The following APOOL variants were observed in gnomAD, a reference collection of about 807,000 sequenced individuals.
The protein encoded by APOOL is apolipoprotein O like.
Under a neutral mutation model 23.1 loss-of-function variants are expected in APOOL, and 12 were observed. The ratio of observed to expected loss-of-function variants is 0.52; its 90% CI spans 0.33 to 0.84. The LOEUF is 0.84. APOOL is among the 40% of genes least tolerant of loss of function. APOOL has a pLI of 0.02. For synonymous variants in APOOL, 77 were observed against 69.9 expected, an observed-to-expected ratio of 1.10 and a Z score of -0.51; for missense variants, 212 against 199.6, an observed-to-expected ratio of 1.06 and a Z score of -0.37.
intron 8 of APOOL, among the ~76,000 whole-genome samples, chrX:85,085,171 G>A (rs1021359199): frequency 1.8e-5 from 2 of 111,751 alleles, no homozygotes; most frequent in East Asian, 2.8e-4. Flanking sequence ...AAGTAGTGGC[G>A]AGTGTGAATA....
At chrX:85,012,690 C>G (rs1921331051) in intron 1 of APOOL, among the ~76,000 whole-genome samples, 1 of 111,914 alleles carries the variant, frequency 8.9e-6, no homozygotes, top group African/African-American at 3.2e-5. Context: ...CCCTGCCTCC[C>G]TGGTATGAAA....
intron 5 of APOOL, among the ~76,000 whole-genome samples, chrX:85,059,711 T>G (rs1156422409): frequency 9.0e-6 from 1 of 110,718 alleles, no homozygotes; most frequent in Non-Finnish European, 1.9e-5. Context: ...CTTTGCCCAC[T>G]TTTTGATGGG....
chrX:85,005,102 T>G (rs1026445479), intron 1 of APOOL, among the ~76,000 whole-genome samples: 5 of 111,263 alleles, frequency 4.5e-5, no homozygotes, highest in Non-Finnish European at 7.5e-5. Context: ...CAAAAATGCC[T>G]TGTTTAATAG....
intron 5 of APOOL, among the ~76,000 whole-genome samples, chrX:85,057,163 A>G (rs949839244): frequency 2.7e-5 from 3 of 111,432 alleles, no homozygotes; most frequent in Non-Finnish European, 3.8e-5. Context: ...GAATAGAGCT[A>G]CTATGAAAAT....
chrX:85,031,405 A>T (rs1882609853), intron 1 of APOOL, among the ~76,000 whole-genome samples: 1 of 111,544 alleles, frequency 9.0e-6, no homozygotes, highest in South Asian at 3.8e-4. Flanking sequence ...GACTACTCAC[A>T]GGAGTCTATA....
intron 1 of APOOL, among the ~76,000 whole-genome samples, chrX:85,024,620 G>C (rs1232013921): frequency 8.9e-6 from 1 of 112,445 alleles, no homozygotes; most frequent in Non-Finnish European, 1.9e-5. Flanking sequence ...TACCACTTTT[G>C]CACCATAAAG....
intron 5 of APOOL, among the ~76,000 whole-genome samples, chrX:85,060,675 CTGTT>C (rs1045515358): frequency 2.1e-3 from 230 of 111,077 alleles, no homozygotes; most frequent in African/African-American, 7.3e-3. Context: ...ATTTGGCTCT[CTGTT>C]TGTCTGTTAT....
intron 2 of APOOL, among the ~76,000 whole-genome samples, chrX:85,051,129 G>A (rs750854636): frequency 3.8e-4 from 42 of 111,483 alleles, no homozygotes; most frequent in Non-Finnish European, 3.6e-4. Flanking sequence ...TGCAAAGACA[G>A]TAGTTTCTCT....
At chrX:85,058,069 T>A (rs186765349) in intron 5 of APOOL, among the ~76,000 whole-genome samples, 28 of 111,359 alleles carry the variant, frequency 2.5e-4, no homozygotes, top group African/African-American at 4.9e-4. Flanking sequence ...TACCTTTTTT[T>A]AAAAAATTAT....
In APOOL at chrX:85,008,575, A is replaced by G. The variant is rs867345374; in HGVS notation, c.15+4648A>G. ...TGTGTGTGTGTGTGTGTGTGTGTGT[A>G]TACCACAGTTTCTTCATCCGTTGAT... On this transcript the variant is annotated intron_variant, in intron 1 of 8. Transcript: ENST00000373173. Among the ~76,000 whole-genome samples the G allele has an allele frequency of 4.5e-3, 141 of 31,414 alleles. 1 individual carries two copies. In the South Asian group the frequency reaches 0.059, roughly 13 times the overall value. The allele number at this position is 31,414 out of a possible 115,157, so 27.3% of individuals were successfully genotyped here.
intron 8 of APOOL, among the ~76,000 whole-genome samples, chrX:85,081,067 T>C (rs980515729): frequency 8.9e-6 from 1 of 111,938 alleles, no homozygotes; most frequent in Admixed American, 9.5e-5. Context: ...CTGTGTCTTT[T>C]AATTGGGGCA....
intron 1 of APOOL, among the ~76,000 whole-genome samples, chrX:85,004,344 G>T (rs1023967757): frequency 8.9e-6 from 1 of 112,173 alleles, no homozygotes; most frequent in South Asian, 3.7e-4. Context: ...GAAACATTTG[G>T]GGTGAAACTG....
Position 85,067,178 on chromosome X carries a change from C to A in APOOL, c.446C>A (p.Ala149Glu). Reference protein sequence around the residue: ...TYPLGLATLGATVCYPVQSVI... With the variant: ...TYPLGLATLGETVCYPVQSVI... Reference sequence around the variant, plus strand: ...CCTCTGGGACTGGCCACTTTAGGAGCAACTGTTTGCTACCCAGTTCAGTCC... The same window carrying A: ...CCTCTGGGACTGGCCACTTTAGGAGAAACTGTTTGCTACCCAGTTCAGTCC... Residue 149 changes from alanine (A) to glutamate (E), a missense_variant, in exon 6 of 9, where the codon GCA becomes GAA. Coordinates refer to ENST00000373173, the MANE Select transcript of APOOL (RefSeq NM_198450.6). 1 of 1,159,881 alleles carries A rather than the reference C, an allele frequency of 8.6e-7. No homozygotes were observed.
chrX:85,029,955 C>T (rs188830758), intron 1 of APOOL, among the ~76,000 whole-genome samples: 1 of 111,895 alleles, frequency 8.9e-6, no homozygotes, highest in Admixed American at 9.5e-5. Context: ...ATGGGGATTC[C>T]TTAAATAACT....
intron 5 of APOOL, among the ~76,000 whole-genome samples, chrX:85,063,302 C>T (rs892321661): frequency 9.0e-5 from 10 of 111,595 alleles, no homozygotes; most frequent in Non-Finnish European, 1.3e-4. Flanking sequence ...ATCATATCAT[C>T]GGCAAACAAA....
At chrX:85,019,018 C>G (rs1359494457) in intron 1 of APOOL, among the ~76,000 whole-genome samples, 1 of 110,593 alleles carries the variant, frequency 9.0e-6, no homozygotes, top group Non-Finnish European at 1.9e-5. Flanking sequence ...CTCTTGTGGT[C>G]TTTGGTCGTG....
chrX:85,050,044 G>A lies in APOOL; in HGVS notation c.121-1345G>A, dbSNP rs754305432. ...TGCACCTGCTTTTTATATATAAAACGCATCTTTAATAAGATATGCATCTCT... is the reference window on the plus strand; with the variant it reads ...TGCACCTGCTTTTTATATATAAAACACATCTTTAATAAGATATGCATCTCT... On this transcript the variant is annotated intron_variant, in intron 2 of 8. Transcript: ENST00000373173. 1.1e-3 allele frequency among the ~76,000 whole-genome samples: 120 copies of A among 111,139 alleles called. 1 individual carries two copies. In the Middle Eastern group the frequency reaches 0.018, roughly 17 times the overall value.
intron 1 of APOOL, chrX:85,046,192 C>T: frequency 4.3e-6 from 1 of 232,197 alleles, no homozygotes; most frequent in Non-Finnish European, 7.7e-6. Context: ...AATAATATTC[C>T]AGATAAATAT....
chrX:85,040,312 C>T (rs951418135), intron 1 of APOOL, among the ~76,000 whole-genome samples: 3 of 111,756 alleles, frequency 2.7e-5, no homozygotes, highest in African/African-American at 9.8e-5. Flanking sequence ...TTCTTCTTCT[C>T]TCTAGCTGCC....
Sources: gnomAD v4.1 joint callset for allele counts (sites outside exome capture counted in the v4.1 genomes callset) on GRCh38, gnomAD v4.1.1 for gene constraint, MANE v1.5 for transcripts, NCBI Gene and HGNC (gene_info 2026-07-23, HGNC 2026-07-21) for gene names.